UGT1A9: variants seen among roughly 807,000 people sequenced by gnomAD.
UGT1A9 encodes the protein UDP-glucuronosyltransferase 1A9.
Under a neutral mutation model 45.0 loss-of-function variants are expected in UGT1A9, and 35 were observed. The observed-to-expected ratio is 0.78, with a 90% confidence interval of 0.59 to 1.03. UGT1A9 has a LOEUF of 1.03. Ranked by LOEUF, UGT1A9 falls within the 50% of genes least tolerant of loss-of-function variation. UGT1A9 has a pLI of 0.00. For synonymous variants in UGT1A9, 278 were observed against 250.6 expected, an observed-to-expected ratio of 1.11 and a Z score of -1.03; for missense variants, 687 against 666.6, an observed-to-expected ratio of 1.03 and a Z score of -0.34.
At chr2:233,712,262 T>G (rs1270284843) in intron 1 of UGT1A9, among the ~76,000 whole-genome samples, 1 of 152,236 alleles carries the variant, frequency 6.6e-6, no homozygotes, top group African/African-American at 2.4e-5. Context: ...TGCACATGTG[T>G]GCTTTAGACA....
At chr2:233,673,444 T>C (rs2074258854) in intron 1 of UGT1A9, among the ~76,000 whole-genome samples, 1 of 152,174 alleles carries the variant, frequency 6.6e-6, no homozygotes, top group Admixed American at 6.6e-5. Context: ...TAAACACTCT[T>C]TAATACTTTC....
chr2:233,733,189 C>T (rs2078364598), intron 1 of UGT1A9, among the ~76,000 whole-genome samples: 1 of 152,198 alleles, frequency 6.6e-6, no homozygotes, highest in African/African-American at 2.4e-5. Context: ...AGTTGCTTAT[C>T]AGCTTAAGGA....
At chr2:233,715,907 A>G (rs1294702392) in intron 1 of UGT1A9, among the ~76,000 whole-genome samples, 1 of 152,180 alleles carries the variant, frequency 6.6e-6, no homozygotes, top group East Asian at 1.9e-4. Flanking sequence ...CTCAGGTGGG[A>G]GGATCATTGA....
intron 1 of UGT1A9, among the ~76,000 whole-genome samples, chr2:233,722,626 G>T (rs1272001840): frequency 1.3e-5 from 2 of 152,128 alleles, no homozygotes; most frequent in African/African-American, 4.8e-5. Context: ...TCTTAATGAA[G>T]CATTGAGGGC....
intron 1 of UGT1A9, chr2:233,690,553 C>G: frequency 1.6e-6 from 2 of 1,289,576 alleles, no homozygotes; most frequent in Non-Finnish European, 2.0e-6. Context: ...GAATATGTCC[C>G]AAGCCTGAGT....
chr2:233,747,336 G>C, intron 1 of UGT1A9: 1 of 1,603,642 alleles, frequency 6.2e-7, no homozygotes, highest in South Asian at 1.1e-5. Context: ...GCAGCCACTG[G>C]CTCGCATGCG....
chr2:233,717,151 C>T (rs1484349429), intron 1 of UGT1A9, among the ~76,000 whole-genome samples: 2 of 152,200 alleles, frequency 1.3e-5, no homozygotes, highest in Non-Finnish European at 2.9e-5. Flanking sequence ...GGAAATAGAA[C>T]ATGGGAGCCC....
Position 233,729,669 on chromosome 2 carries a change from C to G in UGT1A9, c.856-37365C>G, listed in dbSNP as rs1433524187. ...TGAGGAACATTCCATGTGATTTAGA[C>G]TTTAAGGGCACACAGTGTCCAAACC... On this transcript the variant is annotated intron_variant, in intron 1 of 4. Coordinates refer to ENST00000354728, the MANE Select transcript of UGT1A9 (RefSeq NM_021027.3). 47 of 1,613,792 alleles carry G rather than the reference C, an allele frequency of 2.9e-5. No individual in the cohort carries two copies. Among genetic ancestry groups the G allele is most frequent in the Non-Finnish European group, 3.7e-5 (44 of 1,179,864 alleles).
intron 1 of UGT1A9, chr2:233,743,836 C>G (rs62191918): frequency 1.5e-6 from 2 of 1,367,146 alleles, no homozygotes; most frequent in South Asian, 1.1e-5. Flanking sequence ...GCCACTTGAG[C>G]GCCAGCTTGC....
At chr2:233,713,929 A>C in intron 1 of UGT1A9, 1 of 1,611,962 alleles carries the variant, frequency 6.2e-7, no homozygotes, top group African/African-American at 1.3e-5. Flanking sequence ...TTTACTTACA[A>C]GTGCTTCCAT....
At chr2:233,737,894 G>A (rs1690620451) in intron 1 of UGT1A9, among the ~76,000 whole-genome samples, 1 of 151,986 alleles carries the variant, frequency 6.6e-6, no homozygotes, top group Non-Finnish European at 1.5e-5. Context: ...GCTAATTTTC[G>A]AGTGTGGTAA....
At chr2:233,723,984 CCGCCTTTCT>C (rs1314945551) in intron 1 of UGT1A9, among the ~76,000 whole-genome samples, 116 of 66,216 alleles carry the variant, frequency 1.8e-3, no homozygotes, top group South Asian at 2.6e-3. Context: ...CCCACCTTTC[CCGCCTTTCT>C]ATTCCACAAA....
chr2:233,672,349 G>A lies in UGT1A9; in HGVS notation c.415G>A (p.Glu139Lys), dbSNP rs760431451. ...KDKKLVEYLK[E>K]SSFDAVFLDP... ...CAAAAAATTAGTAGAATACTTAAAGGAGAGTTCTTTTGATGCAGTGTTTCT... is the reference window on the plus strand; with the variant it reads ...CAAAAAATTAGTAGAATACTTAAAGAAGAGTTCTTTTGATGCAGTGTTTCT... Residue 139 changes from glutamate to lysine, a missense_variant, in exon 1 of 5, where the codon GAG (glutamate) becomes AAG (lysine). Transcript: ENST00000354728. 4 of 1,614,098 alleles carry A rather than the reference G, an allele frequency of 2.5e-6. No homozygotes were observed. In the South Asian group the frequency reaches 3.3e-5, roughly 13 times the overall value.
At chr2:233,743,706 C>A in intron 1 of UGT1A9, 1 of 1,367,368 alleles carries the variant, frequency 7.3e-7, no homozygotes, top group Non-Finnish European at 9.8e-7. Context: ...TCCGCCCCCG[C>A]CTCGCCATAG....
intron 1 of UGT1A9, among the ~76,000 whole-genome samples, chr2:233,751,413 T>C (rs1057500388): frequency 6.6e-6 from 1 of 152,208 alleles, no homozygotes; most frequent in Non-Finnish European, 1.5e-5. Flanking sequence ...TATGGACTTT[T>C]GAGCTAGTGC....
intron 1 of UGT1A9, chr2:233,747,460 C>G: frequency 6.2e-7 from 1 of 1,608,790 alleles, no homozygotes; most frequent in South Asian, 1.1e-5. Context: ...TATGCCATTT[C>G]ATGGACCCAG....
chr2:233,704,354 C>A (rs11683974), intron 1 of UGT1A9, among the ~76,000 whole-genome samples: 1 of 147,722 alleles, frequency 6.8e-6, no homozygotes, highest in Admixed American at 6.8e-5. Context: ...GTGTTCTGAG[C>A]GGTTGTTCTA....
At chr2:233,753,801 T>C (rs1243795738) in intron 1 of UGT1A9, 1 of 152,208 alleles carries the variant, frequency 6.6e-6, no homozygotes, top group Admixed American at 6.5e-5. Context: ...GGACCTACCA[T>C]AGTTGGAGAA....
chr2:233,737,322 T>C (rs904493315), intron 1 of UGT1A9, among the ~76,000 whole-genome samples: 1 of 152,214 alleles, frequency 6.6e-6, no homozygotes, highest in Admixed American at 6.5e-5. Flanking sequence ...ACTGCTGCAC[T>C]AGCAGTGAGC....
Sources: allele counts gnomAD v4.1 joint callset (sites outside exome capture counted in the v4.1 genomes callset), GRCh38; gene constraint gnomAD v4.1.1; transcripts MANE v1.5; gene names NCBI Gene and HGNC (gene_info 2026-07-23, HGNC 2026-07-21).